The following TYW1B variants were observed in gnomAD, a reference collection of about 807,000 sequenced individuals.
TYW1B encodes the protein tRNA-yW synthesizing protein 1 homolog B, also known as S-adenosyl-L-methionine-dependent tRNA 4-demethylwyosine synthase TYW1B.
Under a neutral mutation model 86.9 loss-of-function variants are expected in TYW1B, and 73 were observed. The observed-to-expected ratio is 0.84, with a 90% CI of 0.70 to 1.02. The LOEUF is 1.02. TYW1B is among the 50% of genes least tolerant of loss of function. TYW1B has a pLI of 0.00. For synonymous variants in TYW1B, 248 were observed against 292.8 expected, an observed-to-expected ratio of 0.85 and a Z score of 1.56; for missense variants, 637 against 827.4, an observed-to-expected ratio of 0.77 and a Z score of 2.82.
intron 2 of TYW1B, among the ~76,000 whole-genome samples, chr7:72,820,998 G>T (rs1788817750): frequency 6.6e-6 from 1 of 152,110 alleles, no homozygotes; most frequent in African/African-American, 2.4e-5. Context: ...GTTGAGACAA[G>T]GTTTCACTCT....
intron 7 of TYW1B, among the ~76,000 whole-genome samples, chr7:72,776,386 C>A (rs1787953839): frequency 6.6e-6 from 1 of 151,594 alleles, no homozygotes; most frequent in Non-Finnish European, 1.5e-5. Context: ...GAGTTCAAGA[C>A]CAGCATGGCC....
At chr7:72,600,506 T>G (rs1191131956) in intron 13 of TYW1B, among the ~76,000 whole-genome samples, 2 of 152,192 alleles carry the variant, frequency 1.3e-5, no homozygotes, top group African/African-American at 4.8e-5. Context: ...TCAGTTGGAC[T>G]TTATTAAAAT....
chr7:72,645,370 T>C (rs782033114), intron 11 of TYW1B, among the ~76,000 whole-genome samples: 12 of 152,170 alleles, frequency 7.9e-5, no homozygotes, highest in Non-Finnish European at 1.2e-4. Context: ...CTTGCGATTG[T>C]CTGGCACTAT....
intron 7 of TYW1B, among the ~76,000 whole-genome samples, chr7:72,763,964 T>C (rs573529360): frequency 1.3e-5 from 2 of 152,368 alleles, no homozygotes; most frequent in South Asian, 2.1e-4. Context: ...AAAAAGTATA[T>C]AAATTCATTA....
intron 13 of TYW1B, among the ~76,000 whole-genome samples, chr7:72,583,543 GTTTTTGT>G (rs1398941900): frequency 7.1e-6 from 1 of 140,112 alleles, no homozygotes; most frequent in Admixed American, 7.2e-5. Flanking sequence ...GCTGTTTTTT[GTTTTTGT>G]TTTGTTTTTT....
chr7:72,688,381 C>T (rs34995164), intron 11 of TYW1B, among the ~76,000 whole-genome samples: 1 of 152,156 alleles, frequency 6.6e-6, no homozygotes, highest in Non-Finnish European at 1.5e-5. Flanking sequence ...TTCATCCCTC[C>T]ATACAATGGC....
chr7:72,631,203 C>T (rs112542094), intron 11 of TYW1B, among the ~76,000 whole-genome samples: 1 of 151,580 alleles, frequency 6.6e-6, no homozygotes, highest in Non-Finnish European at 1.5e-5. Context: ...ATAGTCAACA[C>T]TATTCTTACT....
chr7:72,702,348 C>T (rs1284720056), intron 10 of TYW1B, among the ~76,000 whole-genome samples: 2 of 152,034 alleles, frequency 1.3e-5, no homozygotes, highest in Non-Finnish European at 2.9e-5. Flanking sequence ...CCACAGCTGC[C>T]GGGCTGCTGG....
At chr7:72,734,549 A>C (rs1426856714) in intron 8 of TYW1B, among the ~76,000 whole-genome samples, 1 of 152,192 alleles carries the variant, frequency 6.6e-6, no homozygotes, top group East Asian at 1.9e-4. Flanking sequence ...GGTCTGGGCA[A>C]TGATTTTATG....
intron 13 of TYW1B, among the ~76,000 whole-genome samples, chr7:72,609,616 G>A (rs577559797): frequency 6.6e-6 from 1 of 152,210 alleles, no homozygotes; most frequent in African/African-American, 2.4e-5. Context: ...AGCTGAGAAT[G>A]ATAAACAGGT....
intron 6 of TYW1B, among the ~76,000 whole-genome samples, chr7:72,801,083 C>G (rs564453188): frequency 1.2e-4 from 18 of 152,254 alleles, no homozygotes; most frequent in African/African-American, 4.3e-4. Flanking sequence ...AATCCCAGCA[C>G]CACAGGAGGC....
At position 72,810,911 on chromosome 7, in the gene TYW1B, A is replaced by G. The variant is rs1178196487; in HGVS notation, c.238-246T>C. On this transcript the variant is annotated intron_variant, in intron 3 of 13. Coordinates refer to ENST00000620995, the MANE Select transcript of TYW1B (RefSeq NM_001145440.3). ...TATATTTCATCATATACGCCATTCC[A>G]TTATCCAGACTATACATTCTCATCA... 2.8e-4 allele frequency among the ~76,000 whole-genome samples: 43 copies of G among 152,100 alleles called. 1 individual carries two copies. The highest frequency in any genetic ancestry group is 4.6e-4 in the Non-Finnish European group (31 of 67,976).
intron 1 of TYW1B, among the ~76,000 whole-genome samples, chr7:72,827,511 T>C (rs1210091471): frequency 6.6e-6 from 1 of 152,216 alleles, no homozygotes; most frequent in Non-Finnish European, 1.5e-5. Context: ...AAACAGAATA[T>C]AAAACTGTAT....
chr7:72,786,547 T>C (rs1219675105), intron 6 of TYW1B, among the ~76,000 whole-genome samples: 6 of 150,912 alleles, frequency 4.0e-5, no homozygotes, highest in Non-Finnish European at 7.4e-5. Context: ...TCACCCACTA[T>C]AAACAAAGTT....
At chr7:72,750,115 G>A (rs1480669518) in intron 7 of TYW1B, among the ~76,000 whole-genome samples, 5 of 151,468 alleles carry the variant, frequency 3.3e-5, no homozygotes, top group Admixed American at 3.3e-4. Context: ...TGCCCAGGCT[G>A]GTCTCAAACT....
intron 12 of TYW1B, among the ~76,000 whole-genome samples, chr7:72,618,401 G>C (rs1477298970): frequency 6.6e-6 from 1 of 152,046 alleles, no homozygotes; most frequent in Admixed American, 6.6e-5. Flanking sequence ...ATTTTTAGTA[G>C]AGATGGAGTT....
At position 72,574,872 on chromosome 7, in the gene TYW1B, T is replaced by C. The variant is rs1338900402; in HGVS notation, c.*626A>G. The C allele has an allele frequency of 4.3e-5, 42 of 985,556 alleles. 1 individual carries two copies. In the African/African-American group the frequency reaches 6.3e-4, roughly 15 times the overall value. The allele number at this position is 985,556 out of a possible 1,614,324, so 61.1% of individuals were successfully genotyped here. ...GTACTGCGGTCTGTGGTAATTTACA[T>C]GGGAATGGGATGAGATCTAGTAGTT... On this transcript the variant is annotated 3_prime_UTR_variant, in exon 14 of 14. Transcript: ENST00000620995.
At chr7:72,625,893 GGGC>G (rs1372667986) in intron 12 of TYW1B, among the ~76,000 whole-genome samples, 10 of 102,838 alleles carry the variant, frequency 9.7e-5, no homozygotes, top group Admixed American at 2.0e-4. Context: ...GGGAGAGGTG[GGGC>G]GGGGGGGGGG....
intron 13 of TYW1B, among the ~76,000 whole-genome samples, chr7:72,614,644 AAAAAG>A (rs1467775274): frequency 2.0e-5 from 3 of 151,800 alleles, no homozygotes; most frequent in African/African-American, 7.3e-5. Flanking sequence ...AAAAAAAAAA[AAAAAG>A]AAACACAGAG....
Sources: allele counts gnomAD v4.1 joint callset (sites outside exome capture counted in the v4.1 genomes callset), GRCh38; gene constraint gnomAD v4.1.1; transcripts MANE v1.5; gene names NCBI Gene and HGNC (gene_info 2026-07-23, HGNC 2026-07-21).